SATB2: variants seen among roughly 807,000 people sequenced by gnomAD.
SATB2 encodes the protein SATB homeobox 2.
In SATB2, 1 loss-of-function variant was observed where a neutral mutation model predicts 73.4. The ratio of observed to expected loss-of-function variants is 0.01; its 90% CI spans 0.00 to 0.06. The LOEUF (loss-of-function observed/expected upper bound fraction) is 0.06. Ranked by LOEUF, SATB2 falls within the 10% of genes least tolerant of loss-of-function variation. The probability of loss-of-function intolerance (pLI) is 1.00; values close to 1 mark genes in which losing one functional copy is unlikely to be tolerated. For synonymous variants in SATB2, 397 were observed against 367.0 expected, an observed-to-expected ratio of 1.08 and a Z score of -0.93; for missense variants, 459 against 945.8, an observed-to-expected ratio of 0.49 and a Z score of 6.75.
intron 3 of SATB2, among the ~76,000 whole-genome samples, chr2:199,416,158 C>T (rs1690973903): frequency 6.6e-6 from 1 of 152,272 alleles, no homozygotes; most frequent in Non-Finnish European, 1.5e-5. Flanking sequence ...TATTTCCATA[C>T]AGGTGTGGTT....
At chr2:199,451,027 T>C (rs916802001) in intron 2 of SATB2, among the ~76,000 whole-genome samples, 11 of 151,626 alleles carry the variant, frequency 7.3e-5, no homozygotes, top group East Asian at 1.9e-4. Context: ...TGGGAAAGGA[T>C]GATATTGCTT....
At chr2:199,323,123 C>T (rs1026136744) in intron 9 of SATB2, among the ~76,000 whole-genome samples, 16 of 152,082 alleles carry the variant, frequency 1.1e-4, no homozygotes, top group Admixed American at 7.2e-4. Context: ...TCAACTGTTG[C>T]TGCTTTCAGA....
chr2:199,388,753 C>A (rs1217393757), intron 3 of SATB2, among the ~76,000 whole-genome samples: 1 of 152,026 alleles, frequency 6.6e-6, no homozygotes, highest in African/African-American at 2.4e-5. Flanking sequence ...AAGATCTCCA[C>A]AAAAGAGTGT....
At chr2:199,321,736 T>G (rs1574504014) in intron 9 of SATB2, among the ~76,000 whole-genome samples, 1 of 152,030 alleles carries the variant, frequency 6.6e-6, no homozygotes, top group African/African-American at 2.4e-5. Flanking sequence ...CCTTTGAAAC[T>G]GCCAATTAAA....
At chr2:199,354,489 G>C (rs1688914754) in intron 6 of SATB2, among the ~76,000 whole-genome samples, 1 of 152,140 alleles carries the variant, frequency 6.6e-6, no homozygotes, top group Non-Finnish European at 1.5e-5. Context: ...GGAATTGCCT[G>C]GAAAGGAATG....
chr2:199,460,818 A>G (rs1417558325), upstream of SATB2, among the ~76,000 whole-genome samples: 1 of 152,222 alleles, frequency 6.6e-6, no homozygotes, highest in East Asian at 1.9e-4. This position sits in a 1 kb window ranked among gnomAD's most constrained non-coding sequence, Gnocchi z 4.0. Context: ...TAAATATTTT[A>G]TTATGTTTTG....
chr2:199,305,469 G>A (rs966239551), intron 10 of SATB2, among the ~76,000 whole-genome samples: 2 of 152,116 alleles, frequency 1.3e-5, no homozygotes, highest in Non-Finnish European at 2.9e-5. Flanking sequence ...CCTATGTAAT[G>A]AACCTGTACA....
At chr2:199,388,939 TTC>T (rs1464461014) in intron 3 of SATB2, among the ~76,000 whole-genome samples, 1 of 152,188 alleles carries the variant, frequency 6.6e-6, no homozygotes, top group Admixed American at 6.5e-5. Flanking sequence ...GCATATAATT[TTC>T]TGTTGTTCAG....
intron 10 of SATB2, among the ~76,000 whole-genome samples, chr2:199,298,988 C>T (rs913106309): frequency 6.6e-6 from 1 of 152,140 alleles, no homozygotes; most frequent in Non-Finnish European, 1.5e-5. Context: ...CTAGTTCACA[C>T]ACCTAACCTT....
rs1295027159 is a variant in SATB2 at position 199,464,431 on chromosome 2, G to GCA, written c.-141+404_-141+405insTG. ...CCCACCACCATTTCCACGCGCGCGC[G>GCA]CGCACACACACACACACACACACAG... is the stretch of plus-strand genomic sequence containing the variant. On this transcript the variant is annotated intron_variant, in intron 1 of 11. Transcript: ENST00000260926. This position sits in a 1 kb window ranked among gnomAD's most constrained non-coding sequence, Gnocchi z 6.6. 8.2e-5 allele frequency among the ~76,000 whole-genome samples: 12 copies of GCA among 146,260 alleles called. No homozygotes were observed. Among genetic ancestry groups the GCA allele is most frequent in the African/African-American group, 2.8e-4 (10 of 36,320 alleles).
chr2:199,332,982 C>T (rs1688231823), intron 7 of SATB2, among the ~76,000 whole-genome samples: 3 of 152,054 alleles, frequency 2.0e-5, no homozygotes, highest in Non-Finnish European at 4.4e-5. Flanking sequence ...CTGACAGCAA[C>T]AGTTAAAGTC....
chr2:199,286,791 G>A (rs954913882), intron 10 of SATB2, among the ~76,000 whole-genome samples: 2 of 152,112 alleles, frequency 1.3e-5, no homozygotes, highest in Admixed American at 6.6e-5. Flanking sequence ...TGGTTAAAAC[G>A]AATAAAGAGT....
chr2:199,289,707 G>A (rs1013984582), intron 10 of SATB2, among the ~76,000 whole-genome samples: 3 of 152,144 alleles, frequency 2.0e-5, no homozygotes, highest in South Asian at 4.1e-4. Flanking sequence ...GGAATTAATC[G>A]TTAACGCTCT....
chr2:199,281,874 TTCTC>T (rs1324803206), intron 10 of SATB2, among the ~76,000 whole-genome samples: 4 of 138,046 alleles, frequency 2.9e-5, no homozygotes, highest in African/African-American at 1.0e-4. Flanking sequence ...GCATTCCATA[TTCTC>T]TCTCTTTTTT....
intron 6 of SATB2, among the ~76,000 whole-genome samples, chr2:199,352,816 G>A (rs1412662980): frequency 1.3e-5 from 2 of 151,904 alleles, no homozygotes; most frequent in African/African-American, 4.8e-5. Flanking sequence ...CAAAAAATCT[G>A]GATTTTACAT....
chr2:199,454,012 A>T (rs1271816762), intron 2 of SATB2, among the ~76,000 whole-genome samples: 1 of 152,098 alleles, frequency 6.6e-6, no homozygotes, highest in Non-Finnish European at 1.5e-5. Context: ...CAAATCTATT[A>T]TTCTTCACCA....
At chr2:199,368,109 A>G (rs1326146446) in intron 6 of SATB2, among the ~76,000 whole-genome samples, 2 of 152,062 alleles carry the variant, frequency 1.3e-5, no homozygotes, top group African/African-American at 4.8e-5. Flanking sequence ...TGGTGAAGTT[A>G]AATAATTTGC....
At chr2:199,431,792 G>C (rs1691511030) in intron 3 of SATB2, among the ~76,000 whole-genome samples, 1 of 152,194 alleles carries the variant, frequency 6.6e-6, no homozygotes, top group Non-Finnish European at 1.5e-5. Context: ...GCGACGCGCT[G>C]AACGGCTGTG....
chr2:199,339,240 T>C (rs941174920), intron 7 of SATB2, among the ~76,000 whole-genome samples: 1 of 152,154 alleles, frequency 6.6e-6, no homozygotes, highest in African/African-American at 2.4e-5. Context: ...GATAGTCTTA[T>C]ATGTGCAAGG....
Sources: gnomAD v4.1 joint callset for allele counts (sites outside exome capture counted in the v4.1 genomes callset) on GRCh38, gnomAD v4.1.1 for gene constraint, Gnocchi (gnomAD v3.1) non-coding constraint, MANE v1.5 for transcripts, NCBI Gene and HGNC (gene_info 2026-07-23, HGNC 2026-07-21) for gene names.